The following FOXP2 variants were observed in gnomAD, a reference collection of about 807,000 sequenced individuals.
The protein encoded by FOXP2 is forkhead box protein P2.
FOXP2 carries 12 observed loss-of-function variants against 115.8 expected under a neutral mutation model. The ratio of observed to expected loss-of-function variants is 0.10; its 90% CI spans 0.07 to 0.17. The LOEUF (loss-of-function observed/expected upper bound fraction) is 0.17, where lower values mean the gene tolerates loss of function less well. Ranked by LOEUF, FOXP2 falls within the 10% of genes least tolerant of loss-of-function variation. The pLI, the probability that FOXP2 is intolerant of heterozygous loss-of-function variation, is 1.00. For synonymous variants in FOXP2, 328 were observed against 297.7 expected, an observed-to-expected ratio of 1.10 and a Z score of -1.05; for missense variants, 629 against 843.5, an observed-to-expected ratio of 0.75 and a Z score of 3.15.
At chr7:114,625,308 C>A (rs1804494305) in intron 3 of FOXP2, among the ~76,000 whole-genome samples, 1 of 151,712 alleles carries the variant, frequency 6.6e-6, no homozygotes, top group Non-Finnish European at 1.5e-5. Context: ...TGCCTTCTCA[C>A]CAGAAGTAAG....
chr7:114,459,181 C>A (rs1014942686), intron 2 of FOXP2, among the ~76,000 whole-genome samples: 1 of 152,118 alleles, frequency 6.6e-6, no homozygotes, highest in African/African-American at 2.4e-5. Flanking sequence ...GGCAAAGCAG[C>A]ACTTCTGCGA....
At chr7:114,560,641 G>A (rs1289794415) in intron 3 of FOXP2, among the ~76,000 whole-genome samples, 1 of 151,888 alleles carries the variant, frequency 6.6e-6, no homozygotes, top group Non-Finnish European at 1.5e-5. Context: ...AAAAAGAACT[G>A]AAATTATAAT....
chr7:114,292,869 A>G (rs1055324615), intron 2 of FOXP2, among the ~76,000 whole-genome samples: 48 of 152,226 alleles, frequency 3.2e-4, no homozygotes, highest in African/African-American at 1.1e-3. Context: ...TTGATTTAGA[A>G]CAGTGGTCTA....
chr7:114,096,763 C>T (rs992336033), intron 1 of FOXP2, among the ~76,000 whole-genome samples: 20 of 152,156 alleles, frequency 1.3e-4, no homozygotes, highest in Non-Finnish European at 2.8e-4. Context: ...AGTTTAAGTG[C>T]AGTTGCACAG....
intron 3 of FOXP2, chr7:114,538,231 A>G: frequency 3.2e-6 from 3 of 932,096 alleles, no homozygotes; most frequent in South Asian, 1.4e-5. Flanking sequence ...AAATTTTTGT[A>G]AAATACATTT....
At chr7:114,689,643 C>A in intron 16 of FOXP2, 139 bp from the exon 17 acceptor site, 1 of 800,190 alleles carries the variant, frequency 1.2e-6, no homozygotes, top group Non-Finnish European at 2.1e-6. Context: ...CCAGCTCACG[C>A]AATCAATCAG....
intron 7 of FOXP2, among the ~76,000 whole-genome samples, chr7:114,643,032 C>CT (rs1041372391): frequency 9.2e-5 from 14 of 151,404 alleles, no homozygotes; most frequent in South Asian, 2.1e-4. Flanking sequence ...AGGATGGTCT[C>CT]TATCTCCTGA....
At chr7:114,662,007 G>T in intron 13 of FOXP2, 58 bp from the exon 14 acceptor site, 1 of 1,598,196 alleles carries the variant, frequency 6.3e-7, no homozygotes, top group Non-Finnish European at 8.6e-7. Context: ...AGTATGTTGG[G>T]CTGCCTTATT....
At chr7:114,475,568 G>A (rs540562660) in intron 2 of FOXP2, among the ~76,000 whole-genome samples, 1 of 152,088 alleles carries the variant, frequency 6.6e-6, no homozygotes, top group African/African-American at 2.4e-5. Context: ...GAAACTAAAC[G>A]AAGTAGTGGT....
At chr7:114,670,453 GTCATCTTTACGACA>G (rs1428866397) in intron 16 of FOXP2, among the ~76,000 whole-genome samples, 2 of 151,836 alleles carry the variant, frequency 1.3e-5, no homozygotes, top group Non-Finnish European at 2.9e-5. Context: ...ACATACCCCA[GTCATCTTTACGACA>G]TCCTCTTCTT....
intron 2 of FOXP2, among the ~76,000 whole-genome samples, chr7:114,382,864 C>T (rs1792342508): frequency 2.0e-5 from 3 of 152,264 alleles, no homozygotes; most frequent in South Asian, 4.2e-4. Context: ...TTCTTCCTTT[C>T]CCTGTGTTAT....
chr7:114,091,103 G>GT (rs1799534484), intron 1 of FOXP2, among the ~76,000 whole-genome samples: 1 of 151,622 alleles, frequency 6.6e-6, no homozygotes, highest in South Asian at 2.1e-4. Context: ...AAATAAATGG[G>GT]TACTTCCACT....
At chr7:114,316,139 C>T (rs1286377906) in intron 2 of FOXP2, among the ~76,000 whole-genome samples, 2 of 152,108 alleles carry the variant, frequency 1.3e-5, no homozygotes, top group African/African-American at 4.8e-5. Context: ...TGGGTGTGTG[C>T]ATGTCAGGCA....
At chr7:114,544,787 T>C (rs1799836151) in intron 3 of FOXP2, among the ~76,000 whole-genome samples, 2 of 152,230 alleles carry the variant, frequency 1.3e-5, no homozygotes, top group Non-Finnish European at 2.9e-5. Context: ...ATTTAAAACA[T>C]ATTAACTGGT....
chr7:114,214,007 A>G (rs1485765079), intron 1 of FOXP2, among the ~76,000 whole-genome samples: 2 of 152,208 alleles, frequency 1.3e-5, no homozygotes, highest in African/African-American at 2.4e-5. Context: ...ATAGGATACT[A>G]CCACAAATTT....
At chr7:114,595,462 AC>A (rs781409296) in intron 3 of FOXP2, among the ~76,000 whole-genome samples, 12 of 152,036 alleles carry the variant, frequency 7.9e-5, no homozygotes. Flanking sequence ...AAAAGTAACT[AC>A]TATTTTTTTG....
intron 2 of FOXP2, among the ~76,000 whole-genome samples, chr7:114,312,276 C>T (rs1364244209): frequency 6.6e-6 from 1 of 152,144 alleles, no homozygotes; most frequent in East Asian, 1.9e-4. Flanking sequence ...AAGAAAACAA[C>T]ATATTCTTTT....
In FOXP2 at chr7:114,144,806, A is replaced by G. The variant is rs551808618; in HGVS notation, c.-246-18138A>G. On this transcript the variant is annotated intron_variant, in intron 1 of 19. Coordinates refer to the FOXP2 transcript ENST00000635638. ...CAGGCAGCAAAATATTAGGTTATTT[A>G]TTGTTTATTTTGAGTACAACAGTAA... 4.6e-5 allele frequency among the ~76,000 whole-genome samples: 7 copies of G among 152,264 alleles called. No homozygotes were observed. In the South Asian group the frequency reaches 1.2e-3, roughly 27 times the overall value.
chr7:114,340,570 C>A (rs902060236), intron 2 of FOXP2, among the ~76,000 whole-genome samples: 2 of 150,968 alleles, frequency 1.3e-5, no homozygotes, highest in African/African-American at 4.8e-5. Flanking sequence ...ACCTTTTTTG[C>A]AAAATAATTT....
Sources: gnomAD v4.1 joint callset for allele counts (sites outside exome capture counted in the v4.1 genomes callset) on GRCh38, gnomAD v4.1.1 for gene constraint, MANE v1.5 for transcripts, NCBI Gene and HGNC (gene_info 2026-07-23, HGNC 2026-07-21) for gene names.